Variants in CENPT observed in about 807,000 individuals in gnomAD.
The protein encoded by CENPT is centromere protein T, also known as interphase centromere complex protein 22.
Under a neutral mutation model 59.7 loss-of-function variants are expected in CENPT, and 42 were observed. The ratio of observed to expected loss-of-function variants is 0.70; its 90% confidence interval spans 0.55 to 0.91. The LOEUF is 0.91. Among genes scored for constraint, CENPT ranks in the 40% least tolerant of loss-of-function variants. CENPT has a pLI of 0.00. For missense variants in CENPT, 716 were observed against 713.4 expected (o/e 1.00, Z -0.04); for synonymous variants, 295 against 289.6 (o/e 1.02, Z -0.19).
intron 1 of CENPT, among the ~76,000 whole-genome samples, chr16:67,838,232 T>C (rs898320771): frequency 1.3e-5 from 2 of 152,230 alleles, no homozygotes; most frequent in African/African-American, 2.4e-5. Context: ...ATTTGGCCTC[T>C]CAACATTTTT....
chr16:67,845,411 G>C (rs1315203469), intron 1 of CENPT, among the ~76,000 whole-genome samples: 3 of 152,174 alleles, frequency 2.0e-5, no homozygotes, highest in Non-Finnish European at 2.9e-5. Context: ...TGAGACATAG[G>C]TTGTGTAGGT....
intron 1 of CENPT, among the ~76,000 whole-genome samples, chr16:67,841,128 G>A (rs1268670603): frequency 8.1e-5 from 11 of 135,008 alleles, no homozygotes; most frequent in Non-Finnish European, 1.4e-4. Context: ...CCAGGAGGCG[G>A]AGGTTGCGGT....
Position 67,832,090 on chromosome 16 carries a change from A to G in CENPT, c.308T>C (p.Leu103Pro). ...TGGCTTCACTACCGACTCAGGCATC[A>G]GGATGGAAGATTCTGGGGCTGCAGA... ...ILLTAPESSI[L>P]MPESVVKPVP... The change falls in exon 7 of 16, where the codon CTG (leucine) becomes CCG (proline). Residue 103 changes from leucine (L) to proline (P), a missense_variant. Leu to Pro is a moderately conservative substitution (Grantham distance 98, BLOSUM62 -3). Transcript: ENST00000562787. 1 of 1,612,122 alleles carries G rather than the reference A, an allele frequency of 6.2e-7. No homozygotes were observed. The highest frequency in any genetic ancestry group is 1.3e-5 in the African/African-American group (1 of 75,024).
chr16:67,831,604 C>T lies in CENPT; in HGVS notation c.532G>A (p.Gly178Arg). The change falls in exon 9 of 16, where the codon GGG becomes AGG. Residue 178 changes from glycine to arginine, a missense_variant. By Grantham distance (125) the Gly-to-Arg change is moderately radical. Coordinates refer to ENST00000562787, the MANE Select transcript of CENPT (RefSeq NM_025082.4). ...QGLSLSQEPQ[G>R]NADASSLTRS... ...GTGAGGGAAGAGGCATCAGCATTCC[C>T]TTGAGGCTCTGTCAGCAACCGGCAA... 6.2e-7 allele frequency: 1 copy of T among 1,614,108 alleles called. No individual in the cohort carries two copies.
rs781499743 is a variant in CENPT, at chr16:67,828,830, G to A, written c.1294C>T (p.Pro432Ser). 4.4e-6 allele frequency: 7 copies of A among 1,582,206 alleles called. No individual in the cohort carries two copies. Among genetic ancestry groups the A allele is most frequent in the Non-Finnish European group, 6.0e-6 (7 of 1,171,632 alleles). ...TGCCTGACCAACAGAGGCTCTGCAGGCTCTGAAGATAAGCTGAGGGCAACA... is the reference window on the plus strand; with the variant it reads ...TGCCTGACCAACAGAGGCTCTGCAGACTCTGAAGATAAGCTGAGGGCAACA... The part of the protein sequence containing the change: ...APGAAVLSSE[P>S]AEPLLVRHPP... Residue 432 changes from proline (P) to serine (S), a missense_variant, in exon 14 of 16, where the codon CCT (proline) becomes TCT (serine). By Grantham distance (74) the Pro-to-Ser change is moderately conservative. Coordinates refer to ENST00000562787, the MANE Select transcript of CENPT (RefSeq NM_025082.4).
At chr16:67,837,694 C>A (rs559376902) in intron 1 of CENPT, among the ~76,000 whole-genome samples, 338 of 152,016 alleles carry the variant, frequency 2.2e-3, no homozygotes, top group Admixed American at 6.3e-3. Context: ...AGTGAGACTC[C>A]GTCTCAAAAA....
At chr16:67,838,752 C>T (rs1382872706) in intron 1 of CENPT, among the ~76,000 whole-genome samples, 2 of 151,062 alleles carry the variant, frequency 1.3e-5, no homozygotes, top group African/African-American at 4.9e-5. Flanking sequence ...ATAGTGAAAC[C>T]CTGTCTCTAT....
chr16:67,833,736 G>GC lies in CENPT; in HGVS notation c.110+13dup. The GC allele has an allele frequency of 6.8e-7, 1 of 1,477,526 alleles. No individual in the cohort carries two copies. Among genetic ancestry groups the GC allele is most frequent in the East Asian group, 2.7e-5 (1 of 37,326 alleles). 91.5% of individuals were successfully genotyped at this position (1,477,526 alleles called of 1,614,324 possible). On this transcript the variant is annotated intron_variant, in intron 4 of 15. Transcript: ENST00000562787. ...CTCTAGTTGCTCAAGTACTCGGGGA[G>GC]CCCCCTCACATACCCAGCCCGAGCA...
rs1187051454 is a variant in CENPT, at chr16:67,842,817, G to T, written c.-492+4584C>A. 6.2e-7 allele frequency: 1 copy of T among 1,610,184 alleles called. No homozygotes were observed. The highest frequency in any genetic ancestry group is 8.5e-7 in the Non-Finnish European group (1 of 1,179,202). On this transcript the variant is annotated intron_variant, in intron 1 of 15. Transcript: ENST00000562787. The surrounding 1 kb of genome is among the most constrained non-coding windows in gnomAD (Gnocchi z 4.9). ...TTCCCGCTGCGCGGCGTCAATGAGCGCAAAGTAGCGCGCAGACCCGCTGGG... is the reference window on the plus strand; with the variant it reads ...TTCCCGCTGCGCGGCGTCAATGAGCTCAAAGTAGCGCGCAGACCCGCTGGG...
intron 13 of CENPT, chr16:67,829,219 C>G: frequency 5.6e-6 from 3 of 534,138 alleles, no homozygotes; most frequent in Non-Finnish European, 6.5e-6. Flanking sequence ...CACATACTTT[C>G]CCCTCACCCA....
Position 67,830,037 on chromosome 16 carries a change from G to A in CENPT, c.914C>T (p.Ala305Val), listed in dbSNP as rs758141376. ...GGTGCTCAGGAAGCCCAGAGCAAAG[G>A]CATTGACCTCCTCTGCCTCTCCTGC... ...FLAGEAEEVN[A>V]FALGFLSTSS... The change falls in exon 12 of 16, where the codon GCC becomes GTC. Residue 305 changes from alanine (A) to valine (V), a missense_variant. By Grantham distance (64) the Ala-to-Val change is moderately conservative. Coordinates refer to ENST00000562787, the MANE Select transcript of CENPT (RefSeq NM_025082.4). 9.3e-6 allele frequency: 15 copies of A among 1,614,098 alleles called. No individual in the cohort carries two copies. Among genetic ancestry groups the A allele is most frequent in the Non-Finnish European group, 1.3e-5 (15 of 1,180,046 alleles).
intron 1 of CENPT, among the ~76,000 whole-genome samples, chr16:67,838,572 A>G (rs1192431601): frequency 1.3e-5 from 2 of 150,594 alleles, no homozygotes. Flanking sequence ...CTGTGAGCCG[A>G]GATCGTGCCA....
At position 67,832,220 on chromosome 16, in the gene CENPT, T is replaced by C. The variant is rs751850894; in HGVS notation, c.289+8A>G. On this transcript the variant is annotated splice_region_variant and intron_variant, in intron 6 of 15. Coordinates refer to ENST00000562787, the MANE Select transcript of CENPT (RefSeq NM_025082.4). ...CTAACTCTGACCGGCAGGCCAGCGC[T>C]CACTTACCAGTTAGTAGGATGTTCT... The C allele has an allele frequency of 6.2e-6, 10 of 1,614,036 alleles. No individual in the cohort carries two copies. In the South Asian group the frequency reaches 9.9e-5, roughly 16 times the overall value.
intron 13 of CENPT, 104 bp downstream of exon 13, chr16:67,829,319 T>G: frequency 2.2e-6 from 2 of 908,362 alleles, no homozygotes; most frequent in Non-Finnish European, 3.2e-6. Context: ...CCCTGCTGGG[T>G]AATCATCTGC....
intron 10 of CENPT, 60 bp downstream of exon 10, chr16:67,831,156 C>T (rs2151284851): frequency 6.2e-7 from 1 of 1,611,662 alleles, no homozygotes; most frequent in East Asian, 2.2e-5. Flanking sequence ...GCATCACCTC[C>T]TATCTGTCAT....
intron 1 of CENPT, among the ~76,000 whole-genome samples, chr16:67,840,178 C>T (rs942126442): frequency 6.6e-6 from 1 of 150,850 alleles, no homozygotes; most frequent in Non-Finnish European, 1.5e-5. Flanking sequence ...ATTAGCCGGG[C>T]ACGGTGGCGG....
At position 67,842,503 on chromosome 16, in the gene CENPT, C is replaced by A. The variant is rs1017233076; in HGVS notation, c.-492+4898G>T. 10 of 1,403,862 alleles carry A rather than the reference C, an allele frequency of 7.1e-6. No homozygotes were observed. Among genetic ancestry groups the A allele is most frequent in the Admixed American group, 3.1e-5 (1 of 32,468 alleles). The allele number at this position is 1,403,862 out of a possible 1,614,324, so 87.0% of individuals were successfully genotyped here. ...GCGGGCGGCGGCGTAGCCACTGGGC[C>A]GTCGAAGAGCGCAGGAGGCCGGTGG... On this transcript the variant is annotated intron_variant, in intron 1 of 15. Transcript: ENST00000562787. The surrounding 1 kb of genome is among the most constrained non-coding windows in gnomAD (Gnocchi z 4.9).
rs960128641 is a variant in CENPT, at chr16:67,829,215, C to A, written c.1280+208G>T. On this transcript the variant is annotated intron_variant, in intron 13 of 15. Transcript: ENST00000562787. ...TTTCTGACTACAAACCAACCACATA[C>A]TTTCCCCTCACCCAGGCTCCTCTAA... The A allele has an allele frequency of 2.2e-5, 12 of 533,624 alleles. No homozygotes were observed. In the African/African-American group the frequency reaches 2.4e-4, roughly 11 times the overall value. 33.1% of individuals were successfully genotyped at this position (533,624 alleles called of 1,614,324 possible).
In CENPT at chr16:67,833,912, C is replaced by T. The variant is rs1378187207; in HGVS notation, c.-53G>A. 8.5e-7 allele frequency: 1 copy of T among 1,182,556 alleles called. No individual in the cohort carries two copies. Among genetic ancestry groups the T allele is most frequent in the East Asian group, 3.1e-5 (1 of 32,714 alleles). The allele number at this position is 1,182,556 out of a possible 1,614,324, so 73.3% of individuals were successfully genotyped here. On this transcript the variant is annotated 5_prime_UTR_variant, in exon 4 of 16. Coordinates refer to ENST00000562787, the MANE Select transcript of CENPT (RefSeq NM_025082.4). ...CCCAGCCAGCTGCAGGCTCCGCCTT[C>T]CCGCCGCCACAGTTAATGTAACTCT...
Sources: gnomAD v4.1 joint callset for allele counts (sites outside exome capture counted in the v4.1 genomes callset) on GRCh38, gnomAD v4.1.1 for gene constraint, Gnocchi (gnomAD v3.1) non-coding constraint, MANE v1.5 for transcripts, NCBI Gene and HGNC (gene_info 2026-07-23, HGNC 2026-07-21) for gene names.